The following PKHD1 variants were observed in gnomAD, a reference collection of about 807,000 sequenced individuals.
PKHD1 encodes the protein fibrocystin.
In PKHD1, 291 loss-of-function variants were observed where a neutral mutation model predicts 412.0. The observed-to-expected ratio is 0.71, with a 90% CI of 0.64 to 0.78. PKHD1 has a LOEUF of 0.78. Ranked by LOEUF, PKHD1 falls within the 30% of genes least tolerant of loss-of-function variation. PKHD1 has a pLI of 0.00. For missense variants in PKHD1, 4,825 were observed against 4,950.7 expected, an observed-to-expected ratio of 0.97 and a Z score of 0.76; for synonymous variants, 1,777 against 1,821.5, an observed-to-expected ratio of 0.98 and a Z score of 0.62.
chr6:52,030,438 C>G (rs1581841026), intron 29 of PKHD1, among the ~76,000 whole-genome samples: 1 of 152,324 alleles, frequency 6.6e-6, no homozygotes, highest in African/African-American at 2.4e-5. Flanking sequence ...ATTCTCTTGA[C>G]CGCATGTCTT....
chr6:51,896,915 G>T (rs565683896), intron 43 of PKHD1, among the ~76,000 whole-genome samples: 1 of 152,124 alleles, frequency 6.6e-6, no homozygotes, highest in African/African-American at 2.4e-5. Flanking sequence ...GGGTATCAGC[G>T]ATGGAAGATG....
At chr6:51,777,695 AAAAAAAAAAAAAAAAAAAG>A (rs1177702962) in intron 53 of PKHD1, among the ~76,000 whole-genome samples, 3 of 25,478 alleles carry the variant, frequency 1.2e-4, no homozygotes, top group African/African-American at 2.8e-4. Context: ...AAAAAAAAAA[AAAAAAAAAAAAAAAAAAAG>A]TGGCCTAGCA....
intron 35 of PKHD1, among the ~76,000 whole-genome samples, chr6:51,964,291 C>A (rs1233001141): frequency 6.6e-6 from 1 of 152,074 alleles, no homozygotes; most frequent in East Asian, 1.9e-4. Context: ...ATGCATTGAG[C>A]TGGGGTGGCA....
chr6:52,073,875 G>A (rs1054039411), intron 6 of PKHD1, among the ~76,000 whole-genome samples: 4 of 152,118 alleles, frequency 2.6e-5, no homozygotes, highest in Non-Finnish European at 5.9e-5. Context: ...ACACTGCCCT[G>A]TTCCATTCTC....
chr6:51,670,814 T>C (rs979670825), intron 60 of PKHD1, among the ~76,000 whole-genome samples: 9 of 150,722 alleles, frequency 6.0e-5, no homozygotes, highest in African/African-American at 2.2e-4. Flanking sequence ...TGAAGCTTAG[T>C]TTGGCTGGAT....
chr6:51,898,286 T>C (rs1780501515), intron 43 of PKHD1, among the ~76,000 whole-genome samples: 1 of 147,554 alleles, frequency 6.8e-6, no homozygotes, highest in Non-Finnish European at 1.5e-5. Context: ...TCAGCAAATG[T>C]AAAAGAACAG....
At chr6:51,772,898 TC>T in intron 54 of PKHD1, 109 bp from the exon 55 acceptor site, 1 of 736,326 alleles carries the variant, frequency 1.4e-6, no homozygotes, top group Admixed American at 1.9e-5. Flanking sequence ...TGATATAGAA[TC>T]TCTATATGAA....
At chr6:52,054,469 T>C (rs1807389280) in intron 19 of PKHD1, among the ~76,000 whole-genome samples, 1 of 152,174 alleles carries the variant, frequency 6.6e-6, no homozygotes, top group Non-Finnish European at 1.5e-5. Flanking sequence ...TTAGAGTATC[T>C]CACTTAAGAA....
intron 60 of PKHD1, among the ~76,000 whole-genome samples, chr6:51,711,293 T>C (rs912862922): frequency 3.9e-5 from 6 of 152,166 alleles, no homozygotes; most frequent in African/African-American, 1.4e-4. Flanking sequence ...GTTTCACTAA[T>C]GCAGTCCCCC....
intron 55 of PKHD1, among the ~76,000 whole-genome samples, chr6:51,756,853 C>A (rs10948643): frequency 0.32 from 48,643 of 151,974 alleles, 9,663 homozygotes; most frequent in East Asian, 0.69. Context: ...AGTCCCCAAG[C>A]TTTTTGGCAC....
In PKHD1 at chr6:51,867,972, A is replaced by T. The variant is rs956445731; in HGVS notation, c.7624T>A (p.Ser2542Thr). The change falls in exon 48 of 67, where the codon TCT becomes ACT. Residue 2542 changes from serine (S) to threonine (T), a missense_variant. Ser to Thr is a moderately conservative substitution (Grantham distance 58). Transcript: ENST00000371117. Reference protein sequence around the residue: ...SGKNRSHILASMETLSASCLV... With the variant: ...SGKNRSHILATMETLSASCLV... ...CAAGAAGCTGAAAGGGTTTCCATAGAAGCAAGAATGTGACTTCTGTTTTTC... is the reference window on the plus strand; with the variant it reads ...CAAGAAGCTGAAAGGGTTTCCATAGTAGCAAGAATGTGACTTCTGTTTTTC... The T allele has an allele frequency of 6.2e-7, 1 of 1,613,490 alleles. No individual in the cohort carries two copies. The highest frequency in any genetic ancestry group is 1.7e-5 in the Admixed American group (1 of 59,944).
chr6:51,992,610 G>A (rs114788235), intron 35 of PKHD1, among the ~76,000 whole-genome samples: 1 of 152,292 alleles, frequency 6.6e-6, no homozygotes, highest in Non-Finnish European at 1.5e-5. Context: ...ATTTTACCAA[G>A]AGAAAAGAAC....
intron 52 of PKHD1, among the ~76,000 whole-genome samples, chr6:51,796,191 T>C (rs1254022662): frequency 7.2e-6 from 1 of 138,100 alleles, no homozygotes; most frequent in Non-Finnish European, 1.6e-5. Flanking sequence ...CAGAACTCAT[T>C]ATTAATCTAT....
At chr6:51,773,680 T>C (rs1344950004) in intron 54 of PKHD1, among the ~76,000 whole-genome samples, 1 of 151,576 alleles carries the variant, frequency 6.6e-6, no homozygotes, top group Non-Finnish European at 1.5e-5. Context: ...TGCAAGTCAT[T>C]AATCTAAAAA....
At position 51,670,531 on chromosome 6, in the gene PKHD1, C is replaced by A. The variant is rs555047111; in HGVS notation, c.10157-10562G>T. Among the ~76,000 whole-genome samples the A allele has an allele frequency of 4.8e-4, 73 of 151,544 alleles. 1 individual carries two copies. The highest frequency in any genetic ancestry group is 1.7e-3 in the African/African-American group (70 of 41,388). ...GCCAGTCTGTGTCTTTTAATTGGAG[C>A]ATTTAGTCCATTTACATTTAAAGTT... On this transcript the variant is annotated intron_variant, in intron 60 of 66. Coordinates refer to ENST00000371117, the MANE Select transcript of PKHD1 (RefSeq NM_138694.4).
intron 43 of PKHD1, among the ~76,000 whole-genome samples, chr6:51,891,516 T>C (rs145100294): frequency 0.026 from 3,924 of 152,188 alleles, 106 homozygotes; most frequent in Non-Finnish European, 0.035. Context: ...CGACCTCAGG[T>C]GATCCGCCCA....
chr6:52,006,564 A>T (rs753596856), intron 35 of PKHD1, among the ~76,000 whole-genome samples: 5 of 152,142 alleles, frequency 3.3e-5, no homozygotes, highest in Non-Finnish European at 7.4e-5. Flanking sequence ...TTTAGTAGAG[A>T]TGGGGTTTCA....
chr6:51,747,560 T>C lies in PKHD1; in HGVS notation c.9829+227A>G, dbSNP rs73426017. On this transcript the variant is annotated intron_variant, in intron 58 of 66. Transcript: ENST00000371117. ...TCTCATTATATTCAAATTTTTTAAA[T>C]TTTATTAAAAAATAATAGTTGTTGT... Among the ~76,000 whole-genome samples, 2,840 of 152,244 alleles carry C rather than the reference T, an allele frequency of 0.019. 79 individuals carry two copies. Among genetic ancestry groups the C allele is most frequent in the African/African-American group, 0.065 (2,699 of 41,536 alleles).
At chr6:51,971,217 G>A (rs186971307) in intron 35 of PKHD1, among the ~76,000 whole-genome samples, 2 of 152,172 alleles carry the variant, frequency 1.3e-5, no homozygotes, top group Admixed American at 1.3e-4. Flanking sequence ...ATAATAAATC[G>A]GCATTGTTTT....
Sources: gnomAD v4.1 joint callset for allele counts (sites outside exome capture counted in the v4.1 genomes callset) on GRCh38, gnomAD v4.1.1 for gene constraint, MANE v1.5 for transcripts, NCBI Gene and HGNC (gene_info 2026-07-23, HGNC 2026-07-21) for gene names.